Variants in GNB1 observed in about 807,000 individuals in gnomAD.
The protein encoded by GNB1 is G protein subunit beta 1.
A neutral mutation model predicts 42.9 loss-of-function variants in GNB1; 2 were observed. The observed-to-expected ratio is 0.05, with a 90% CI of 0.02 to 0.15. The LOEUF (loss-of-function observed/expected upper bound fraction) is 0.15, where lower values mean the gene tolerates loss of function less well. Among genes scored for constraint, GNB1 ranks in the 10% least tolerant of loss-of-function variants. GNB1 has a pLI of 1.00. For synonymous variants in GNB1, 183 were observed against 174.7 expected (o/e 1.05, Z -0.38); for missense variants, 193 against 462.2 (o/e 0.42, Z 5.34).
rs1206424609 is a variant in GNB1 at position 1,786,846 on chromosome 1, A to G, written c.*217T>C. The G allele has an allele frequency of 6.5e-6, 1 of 152,726 alleles. No individual in the cohort carries two copies. Among genetic ancestry groups the G allele is most frequent in the Non-Finnish European group, 1.5e-5 (1 of 68,080 alleles). The allele number at this position is 152,726 out of a possible 1,614,324, so 9.5% of individuals were successfully genotyped here. The stretch of plus-strand genomic sequence containing the variant: ...ACGATGGCCCCGGAAGGAATGCACA[A>G]TTTGTTTTAGTTTACAGCACAGAGA... On this transcript the variant is annotated 3_prime_UTR_variant, in exon 12 of 12. Transcript: ENST00000378609.
chr1:1,872,503 C>T (rs1649302361), intron 1 of GNB1, among the ~76,000 whole-genome samples: 1 of 152,228 alleles, frequency 6.6e-6, no homozygotes, highest in Non-Finnish European at 1.5e-5. Flanking sequence ...TCCACCCCTA[C>T]CTCTGCCCTA....
intron 3 of GNB1, among the ~76,000 whole-genome samples, chr1:1,820,137 A>C (rs1265627640): frequency 1.3e-5 from 2 of 152,068 alleles, no homozygotes; most frequent in Non-Finnish European, 2.9e-5. Flanking sequence ...TGGGTGGATC[A>C]CCTGAGGTCA....
At chr1:1,854,527 C>CA (rs1648160821) in intron 1 of GNB1, among the ~76,000 whole-genome samples, 2 of 152,208 alleles carry the variant, frequency 1.3e-5, no homozygotes. Context: ...AATGAAGCAG[C>CA]AGATACACAG....
intron 1 of GNB1, among the ~76,000 whole-genome samples, chr1:1,857,740 T>C (rs1648384321): frequency 6.6e-6 from 1 of 152,200 alleles, no homozygotes; most frequent in Non-Finnish European, 1.5e-5. Context: ...CTGTGGATAG[T>C]ACCACACTTT....
intron 5 of GNB1, among the ~76,000 whole-genome samples, chr1:1,808,650 GTTT>G (rs1646735173): frequency 6.6e-6 from 1 of 151,424 alleles, no homozygotes; most frequent in Non-Finnish European, 1.5e-5. Context: ...GTTTTTGTTT[GTTT>G]GTTTGTTTGA....
Position 1,785,838 on chromosome 1 carries a change from C to A in GNB1, c.*1225G>T. 4 of 291,386 alleles carry A rather than the reference C, an allele frequency of 1.4e-5. No homozygotes were observed. Among genetic ancestry groups the A allele is most frequent in the Non-Finnish European group, 6.3e-6 (1 of 157,754 alleles). 18.1% of individuals were successfully genotyped at this position (291,386 alleles called of 1,614,324 possible). A position where few individuals can be genotyped will look rare whatever the true frequency, so the allele number is the denominator to read the frequency against. ...TTTAAAGAAATAAAGAAAACAGTGA[C>A]TTATCCCGCTACCCAAGCGTGTAGA... On this transcript the variant is annotated 3_prime_UTR_variant, in exon 12 of 12. Coordinates refer to ENST00000378609, the MANE Select transcript of GNB1 (RefSeq NM_002074.5).
At chr1:1,842,074 G>A (rs1647261234) in intron 1 of GNB1, among the ~76,000 whole-genome samples, 1 of 151,992 alleles carries the variant, frequency 6.6e-6, no homozygotes, top group African/African-American at 2.4e-5. Context: ...TTGGGAAGGT[G>A]AGGCGGGTGG....
intron 7 of GNB1, among the ~76,000 whole-genome samples, chr1:1,797,639 T>C (rs1266021106): frequency 3.3e-5 from 5 of 152,212 alleles, no homozygotes; most frequent in Admixed American, 6.5e-5. Context: ...GGTTTTGCCA[T>C]GTTGGCAGGC....
At chr1:1,853,488 C>G (rs572072533) in intron 1 of GNB1, among the ~76,000 whole-genome samples, 6 of 152,180 alleles carry the variant, frequency 3.9e-5, no homozygotes, top group African/African-American at 1.4e-4. Flanking sequence ...ATCCTAGAAA[C>G]ATGAACATAT....
intron 1 of GNB1, among the ~76,000 whole-genome samples, chr1:1,860,669 T>C (rs1570728241): frequency 2.1e-5 from 3 of 140,668 alleles, no homozygotes; most frequent in Non-Finnish European, 3.1e-5. Context: ...GGAGGAAGAG[T>C]CCCCACAAAC....
At chr1:1,826,693 C>A (rs894495269) in intron 2 of GNB1, among the ~76,000 whole-genome samples, 10 of 152,318 alleles carry the variant, frequency 6.6e-5, no homozygotes, top group African/African-American at 2.2e-4. Flanking sequence ...AGAAACAACA[C>A]CTTGATCCTT....
At chr1:1,845,837 AC>A (rs1647626307) in intron 1 of GNB1, among the ~76,000 whole-genome samples, 1 of 81,008 alleles carries the variant, frequency 1.2e-5, no homozygotes, top group Non-Finnish European at 2.8e-5. Context: ...ACACACACAC[AC>A]ACACACACAC....
At chr1:1,860,430 A>T (rs982836322) in intron 1 of GNB1, among the ~76,000 whole-genome samples, 5 of 152,148 alleles carry the variant, frequency 3.3e-5, no homozygotes, top group African/African-American at 1.2e-4. Flanking sequence ...AATCTAAAAT[A>T]AAAGTTGAAA....
intron 1 of GNB1, among the ~76,000 whole-genome samples, chr1:1,873,816 TTAAA>T (rs1401076939): frequency 6.6e-6 from 1 of 152,048 alleles, no homozygotes; most frequent in African/African-American, 2.4e-5. Flanking sequence ...AGACTCCATC[TTAAA>T]TAAACTTGGC....
At chr1:1,851,202 G>C (rs556227864) in intron 1 of GNB1, among the ~76,000 whole-genome samples, 1 of 152,208 alleles carries the variant, frequency 6.6e-6, no homozygotes, top group East Asian at 1.9e-4. Flanking sequence ...CCTGAGGTCG[G>C]GAGTTTGAGA....
chr1:1,840,283 C>A (rs377094364), intron 1 of GNB1, among the ~76,000 whole-genome samples: 7 of 151,246 alleles, frequency 4.6e-5, no homozygotes, highest in African/African-American at 1.7e-4. Context: ...AATCCCAGCA[C>A]TTTGGGAGAC....
At chr1:1,884,153 T>G (rs1269352048) in intron 1 of GNB1, among the ~76,000 whole-genome samples, 2 of 148,568 alleles carry the variant, frequency 1.3e-5, no homozygotes, top group Admixed American at 1.3e-4. Context: ...TTTTTTGAGA[T>G]GGAGTTTCCT....
chr1:1,888,756 T>C (rs1366159752), intron 1 of GNB1, among the ~76,000 whole-genome samples: 1 of 152,114 alleles, frequency 6.6e-6, no homozygotes, highest in Non-Finnish European at 1.5e-5. Flanking sequence ...GAGAATCACT[T>C]GAACCCGGGG....
chr1:1,834,480 A>C (rs1180044127), intron 2 of GNB1, among the ~76,000 whole-genome samples: 1 of 152,104 alleles, frequency 6.6e-6, no homozygotes, highest in Non-Finnish European at 1.5e-5. Context: ...ATAGATACAC[A>C]TCTTCAAACA....
Sources: gnomAD v4.1 joint callset for allele counts (sites outside exome capture counted in the v4.1 genomes callset) on GRCh38, gnomAD v4.1.1 for gene constraint, MANE v1.5 for transcripts, NCBI Gene and HGNC (gene_info 2026-07-23, HGNC 2026-07-21) for gene names.